Variants in EPC2 observed in about 807,000 individuals in gnomAD.
The protein encoded by EPC2 is enhancer of polycomb 2.
A neutral mutation model predicts 92.1 loss-of-function variants in EPC2; 14 were observed. The observed-to-expected ratio is 0.15, with a 90% CI of 0.10 to 0.24. The LOEUF is 0.24. Among genes scored for constraint, EPC2 ranks in the 10% least tolerant of loss-of-function variants. The pLI, the probability that EPC2 is intolerant of heterozygous loss-of-function variation, is 1.00. For missense variants in EPC2, 755 were observed against 971.5 expected, an observed-to-expected ratio of 0.78 and a Z score of 2.96; for synonymous variants, 340 against 334.7, an observed-to-expected ratio of 1.02 and a Z score of -0.17.
At chr2:148,752,724 T>C (rs1358360264) in intron 3 of EPC2, among the ~76,000 whole-genome samples, 1 of 152,174 alleles carries the variant, frequency 6.6e-6, no homozygotes, top group African/African-American at 2.4e-5. Flanking sequence ...ATGAATTAAT[T>C]CTAGAAATAA....
intron 1 of EPC2, among the ~76,000 whole-genome samples, chr2:148,679,799 C>A (rs1046319509): frequency 6.6e-6 from 1 of 152,164 alleles, no homozygotes; most frequent in African/African-American, 2.4e-5. Context: ...ATGTGAGCCA[C>A]CACATCCAGC....
intron 4 of EPC2, among the ~76,000 whole-genome samples, chr2:148,755,112 C>T (rs920595746): frequency 6.6e-6 from 1 of 152,060 alleles, no homozygotes; most frequent in African/African-American, 2.4e-5. Context: ...AAACTCTCTT[C>T]CTGGTTAATA....
At position 148,784,911 on chromosome 2, in the gene EPC2, C is replaced by T. The variant is rs1463279431; in HGVS notation, c.2261C>T (p.Ser754Leu). 4 of 1,590,068 alleles carry T rather than the reference C, an allele frequency of 2.5e-6. No individual in the cohort carries two copies. The highest frequency in any genetic ancestry group is 2.2e-5 in the East Asian group (1 of 44,598). Reference sequence around the variant, plus strand: ...ATCAATACACGGACTTCAGCACCATCGCCAACAGCCTTAAAACTTGCCACA... The same window carrying T: ...ATCAATACACGGACTTCAGCACCATTGCCAACAGCCTTAAAACTTGCCACA... The part of the protein sequence containing the change: ...VHINTRTSAP[S>L]PTALKLATVA... Residue 754 changes from serine (S) to leucine (L), a missense_variant, in exon 13 of 14, where the codon TCG (serine) becomes TTG (leucine). Ser to Leu is a moderately radical substitution (Grantham distance 145). Coordinates refer to ENST00000258484, the MANE Select transcript of EPC2 (RefSeq NM_015630.4).
At chr2:148,662,079 C>G (rs10191469) in intron 1 of EPC2, among the ~76,000 whole-genome samples, 96,465 of 151,922 alleles carry the variant, frequency 0.63, 33,196 homozygotes, top group Non-Finnish European at 0.79. Context: ...CTCATCATCA[C>G]TGGCCATCAG....
At chr2:148,744,410 G>A (rs1253958771) in intron 3 of EPC2, among the ~76,000 whole-genome samples, 1 of 152,038 alleles carries the variant, frequency 6.6e-6, no homozygotes, top group Non-Finnish European at 1.5e-5. Context: ...GAATAAATAA[G>A]ATGTCTCTGA....
intron 4 of EPC2, 50 bp from the exon 5 acceptor site, chr2:148,761,732 A>C (rs759479351): frequency 7.8e-7 from 1 of 1,280,286 alleles, no homozygotes. Context: ...TAAAGCCGGA[A>C]ATGTAGATAA....
At chr2:148,664,902 C>T (rs1353501571) in intron 1 of EPC2, among the ~76,000 whole-genome samples, 1 of 152,080 alleles carries the variant, frequency 6.6e-6, no homozygotes, top group Non-Finnish European at 1.5e-5. Flanking sequence ...TTTTTGGCTT[C>T]GATCTGTTTT....
chr2:148,733,156 A>G (rs1049239871), intron 2 of EPC2, among the ~76,000 whole-genome samples: 3 of 150,382 alleles, frequency 2.0e-5, no homozygotes, highest in African/African-American at 7.3e-5. Flanking sequence ...ATCTCTTGAT[A>G]ATATCACATA....
intron 2 of EPC2, among the ~76,000 whole-genome samples, chr2:148,710,684 A>G (rs544212121): frequency 6.4e-4 from 60 of 93,388 alleles, no homozygotes; most frequent in African/African-American, 1.9e-3. Context: ...ATAATGAGTT[A>G]TGTCCTTTGT....
At chr2:148,722,585 ATTAG>A (rs1682402367) in intron 2 of EPC2, among the ~76,000 whole-genome samples, 1 of 152,208 alleles carries the variant, frequency 6.6e-6, no homozygotes, top group Non-Finnish European at 1.5e-5. Context: ...AGGAATGTAA[ATTAG>A]TTCAGCCATT....
intron 3 of EPC2, among the ~76,000 whole-genome samples, chr2:148,751,017 A>T (rs1199775636): frequency 2.6e-5 from 4 of 152,028 alleles, no homozygotes; most frequent in South Asian, 2.1e-4. Flanking sequence ...TTCCCTTATT[A>T]ATTAATTTGT....
rs187754434 is a variant in EPC2 at position 148,753,383 on chromosome 2, T to C, written c.460-544T>C. Among the ~76,000 whole-genome samples, 46 of 152,358 alleles carry C rather than the reference T, an allele frequency of 3.0e-4. 2 individuals carry two copies. The East Asian group carries it at 3.3e-3, about 11-fold the overall frequency. On this transcript the variant is annotated intron_variant, in intron 3 of 13. Transcript: ENST00000258484. ...TGTCACTGGTACAAAGAATTCAAAA[T>C]TGCATAATGTTGAAACTTCTGGAAA...
At chr2:148,709,261 A>G (rs932729606) in intron 2 of EPC2, among the ~76,000 whole-genome samples, 1 of 152,216 alleles carries the variant, frequency 6.6e-6, no homozygotes, top group Non-Finnish European at 1.5e-5. Flanking sequence ...CAAAGAGAAT[A>G]AAATACTTAG....
intron 2 of EPC2, among the ~76,000 whole-genome samples, chr2:148,725,617 GA>G (rs1226117185): frequency 6.6e-6 from 1 of 152,052 alleles, no homozygotes; most frequent in Non-Finnish European, 1.5e-5. Flanking sequence ...TTGCAGTGCA[GA>G]AAAATCCCAA....
chr2:148,645,175 G>C lies in EPC2; in HGVS notation c.153+5G>C. On this transcript the variant is annotated splice_donor_5th_base_variant and intron_variant, in intron 1 of 13. Transcript: ENST00000258484. Reference sequence around the variant, plus strand: ...ATGGAGAAGGAGGAGGAATCGGTAGGGACTCGAGTGTTTATTACCCCCCCT... The same window carrying C: ...ATGGAGAAGGAGGAGGAATCGGTAGCGACTCGAGTGTTTATTACCCCCCCT... 1 of 1,603,364 alleles carries C rather than the reference G, an allele frequency of 6.2e-7. No individual in the cohort carries two copies. The highest frequency in any genetic ancestry group is 8.5e-7 in the Non-Finnish European group (1 of 1,175,040).
At chr2:148,651,396 A>G (rs1340391910) in intron 1 of EPC2, among the ~76,000 whole-genome samples, 3 of 152,110 alleles carry the variant, frequency 2.0e-5, no homozygotes, top group Non-Finnish European at 4.4e-5. Context: ...CTTCCCCTTC[A>G]TTTTATCCCT....
chr2:148,768,724 T>C (rs376170469), intron 7 of EPC2, among the ~76,000 whole-genome samples: 8 of 152,176 alleles, frequency 5.3e-5, no homozygotes, highest in African/African-American at 1.7e-4. Context: ...TTATAAGCTG[T>C]TTTTATGTCC....
chr2:148,679,315 TC>T (rs1466080265), intron 1 of EPC2, among the ~76,000 whole-genome samples: 1 of 152,302 alleles, frequency 6.6e-6, no homozygotes, highest in Admixed American at 6.5e-5. Flanking sequence ...AATTTGATTC[TC>T]TTGTAAAATG....
At chr2:148,742,540 C>T (rs979908271) in intron 2 of EPC2, among the ~76,000 whole-genome samples, 2 of 152,010 alleles carry the variant, frequency 1.3e-5, no homozygotes, top group Admixed American at 6.5e-5. Context: ...ATCGCTTGAG[C>T]CCAGGAGTTG....
Sources: allele counts gnomAD v4.1 joint callset (sites outside exome capture counted in the v4.1 genomes callset), GRCh38; gene constraint gnomAD v4.1.1; transcripts MANE v1.5; gene names NCBI Gene and HGNC (gene_info 2026-07-23, HGNC 2026-07-21).